The following CELF5 variants were observed in gnomAD, a reference collection of about 807,000 sequenced individuals.
CELF5 encodes the protein CUGBP Elav-like family member 5.
In CELF5, 6 loss-of-function variants were observed where a neutral mutation model predicts 54.9. That is an observed-to-expected ratio of 0.11 (90% CI 0.06 to 0.22). The LOEUF (loss-of-function observed/expected upper bound fraction) is 0.22, where lower values mean the gene tolerates loss of function less well. CELF5 is among the 10% of genes least tolerant of loss of function. CELF5 has a pLI of 1.00. For synonymous variants in CELF5, 271 were observed against 290.9 expected, an observed-to-expected ratio of 0.93 and a Z score of 0.70; for missense variants, 401 against 678.6, an observed-to-expected ratio of 0.59 and a Z score of 4.54.
intron 2 of CELF5, among the ~76,000 whole-genome samples, chr19:3,260,812 C>T (rs940843878): frequency 6.6e-5 from 10 of 151,634 alleles, no homozygotes; most frequent in Non-Finnish European, 1.2e-4. Flanking sequence ...TTAGTACAGA[C>T]GGGGTTTCAC....
chr19:3,271,636 T>C (rs1217108059), intron 2 of CELF5, among the ~76,000 whole-genome samples: 1 of 150,634 alleles, frequency 6.6e-6, no homozygotes, highest in African/African-American at 2.5e-5. Flanking sequence ...TGGGAGAGGG[T>C]CTTAGAGAGG....
intron 2 of CELF5, among the ~76,000 whole-genome samples, chr19:3,255,070 G>A (rs115442610): frequency 7.4e-4 from 113 of 152,036 alleles, no homozygotes; most frequent in African/African-American, 2.6e-3. Flanking sequence ...TTTACCCCAC[G>A]CTATGCTAAA....
At chr19:3,277,665 G>A (rs1420729130) in intron 4 of CELF5, among the ~76,000 whole-genome samples, 2 of 152,044 alleles carry the variant, frequency 1.3e-5, no homozygotes, top group African/African-American at 2.4e-5. Flanking sequence ...GGAGCCAGGT[G>A]CAGTGGCCTC....
chr19:3,260,178 G>A (rs895418814), intron 2 of CELF5, among the ~76,000 whole-genome samples: 11 of 152,036 alleles, frequency 7.2e-5, no homozygotes, highest in African/African-American at 1.4e-4. Context: ...GTGCAGGGGC[G>A]TGATCTTGGC....
intron 4 of CELF5, among the ~76,000 whole-genome samples, chr19:3,276,363 C>T (rs2080052791): frequency 6.7e-6 from 1 of 148,258 alleles, no homozygotes; most frequent in Non-Finnish European, 1.5e-5. Context: ...CTGGAGAGGC[C>T]CGAGGCTTCT....
chr19:3,255,105 G>A (rs2079705173), intron 2 of CELF5, among the ~76,000 whole-genome samples: 1 of 152,044 alleles, frequency 6.6e-6, no homozygotes, highest in African/African-American at 2.4e-5. Context: ...TCTGTGACTG[G>A]TCACCTCCTG....
intron 11 of CELF5, among the ~76,000 whole-genome samples, chr19:3,291,942 GT>G (rs2080357251): frequency 6.7e-6 from 1 of 150,268 alleles, no homozygotes; most frequent in Non-Finnish European, 1.5e-5. Context: ...CTTTTTTTTT[GT>G]TTTGTTTTTT....
chr19:3,231,069 C>T (rs551950811), intron 1 of CELF5, among the ~76,000 whole-genome samples: 217 of 152,296 alleles, frequency 1.4e-3, no homozygotes, highest in African/African-American at 4.9e-3. Context: ...GCTGGCTGTC[C>T]TTGAACTTAA....
At position 3,281,037 on chromosome 19, in the gene CELF5, G is replaced by A. The variant is rs945820976; in HGVS notation, c.604-162G>A. ...GGATGCTGATCTCCACGCGGTCCTC[G>A]CTGTGGCCCTGGCTCCTGGGGTGGG... On this transcript the variant is annotated intron_variant, in intron 5 of 12. Transcript: ENST00000292672. The surrounding 1 kb of genome is among the most constrained non-coding windows in gnomAD (Gnocchi z 6.5). Among the ~76,000 whole-genome samples the A allele has an allele frequency of 6.6e-5, 10 of 152,170 alleles. No homozygotes were observed. Among genetic ancestry groups the A allele is most frequent in the African/African-American group, 2.2e-4 (9 of 41,442 alleles).
Position 3,268,074 on chromosome 19 carries a change from C to T in CELF5, c.343-5798C>T, listed in dbSNP as rs2079907769. On this transcript the variant is annotated intron_variant, in intron 2 of 12. Transcript: ENST00000292672. This position sits in a 1 kb window ranked among gnomAD's most constrained non-coding sequence, Gnocchi z 4.4. Reference sequence around the variant, plus strand: ...AGTGCAGTGATTTGATCTCAGCTCACTGCAACCTCGGCCTCCTGGGTTCAA... The same window carrying T: ...AGTGCAGTGATTTGATCTCAGCTCATTGCAACCTCGGCCTCCTGGGTTCAA... Among the ~76,000 whole-genome samples, 1 of 152,218 alleles carries T rather than the reference C, an allele frequency of 6.6e-6. No homozygotes were observed. Among genetic ancestry groups the T allele is most frequent in the Non-Finnish European group, 1.5e-5 (1 of 68,046 alleles).
chr19:3,254,376 A>G (rs1317480484), intron 2 of CELF5, among the ~76,000 whole-genome samples: 1 of 151,574 alleles, frequency 6.6e-6, no homozygotes, highest in Non-Finnish European at 1.5e-5. Context: ...CCATCTACTC[A>G]TCCACCTACC....
chr19:3,231,771 T>G (rs1599382421), intron 1 of CELF5, among the ~76,000 whole-genome samples: 2 of 94,294 alleles, frequency 2.1e-5, no homozygotes, highest in African/African-American at 8.4e-5. Context: ...GGTGGGTGGG[T>G]TGGTGGGTCA....
intron 1 of CELF5, 123 bp from the exon 2 acceptor site, chr19:3,250,862 T>C: frequency 1.5e-6 from 1 of 676,308 alleles, no homozygotes; most frequent in Non-Finnish European, 2.7e-6. Context: ...CCAGGTTGTG[T>C]AGATCTATGC....
chr19:3,284,383 T>C (rs1291547358), intron 8 of CELF5, among the ~76,000 whole-genome samples: 1 of 152,184 alleles, frequency 6.6e-6, no homozygotes. Flanking sequence ...TGGCTGAATT[T>C]TTCCCCAGAA....
chr19:3,280,004 C>T (rs1157875657), intron 5 of CELF5, among the ~76,000 whole-genome samples: 1 of 152,166 alleles, frequency 6.6e-6, no homozygotes, highest in African/African-American at 2.4e-5. Context: ...TGCCCGGCCA[C>T]CAGGCTTCTC....
intron 2 of CELF5, among the ~76,000 whole-genome samples, chr19:3,256,905 G>A (rs970146925): frequency 7.2e-5 from 11 of 152,014 alleles, no homozygotes; most frequent in Non-Finnish European, 1.5e-4. Flanking sequence ...TTGCTGTGTC[G>A]CCCAGGTTGG....
At chr19:3,269,016 T>A (rs1307202455) in intron 2 of CELF5, among the ~76,000 whole-genome samples, 2 of 151,968 alleles carry the variant, frequency 1.3e-5, no homozygotes, top group African/African-American at 2.4e-5. Context: ...CAGCAGCGTT[T>A]AGAGCAGGGG....
chr19:3,236,251 TG>T (rs1435520908), intron 1 of CELF5, among the ~76,000 whole-genome samples: 5 of 152,084 alleles, frequency 3.3e-5, no homozygotes, highest in African/African-American at 1.2e-4. Context: ...GGGAGAACTT[TG>T]GGCTAGGAAG....
chr19:3,241,467 G>C (rs1231049475), intron 1 of CELF5, among the ~76,000 whole-genome samples: 1 of 151,996 alleles, frequency 6.6e-6, no homozygotes, highest in Non-Finnish European at 1.5e-5. Flanking sequence ...ATCCCAGGTG[G>C]GACTTCCCTG....
Sources: allele counts gnomAD v4.1 joint callset (sites outside exome capture counted in the v4.1 genomes callset), GRCh38; gene constraint gnomAD v4.1.1; non-coding constraint Gnocchi (gnomAD v3.1); transcripts MANE v1.5; gene names NCBI Gene and HGNC (gene_info 2026-07-23, HGNC 2026-07-21).